The following VTI1A variants were observed in gnomAD, a reference collection of about 807,000 sequenced individuals.
VTI1A encodes the protein vesicle transport through interaction with t-SNAREs 1A.
Under a neutral mutation model 34.9 loss-of-function variants are expected in VTI1A, and 22 were observed. That is an observed-to-expected ratio of 0.63 (90% confidence interval 0.45 to 0.90). The LOEUF (loss-of-function observed/expected upper bound fraction) is 0.90. VTI1A is among the 40% of genes least tolerant of loss of function. The probability of loss-of-function intolerance (pLI) is 0.00; values close to 1 mark genes in which losing one functional copy is unlikely to be tolerated. For missense variants in VTI1A, 268 were observed against 275.6 expected (o/e 0.97, Z 0.20); for synonymous variants, 87 against 97.3 (o/e 0.89, Z 0.62).
chr10:112,569,409 C>G (rs1412567032), intron 5 of VTI1A, among the ~76,000 whole-genome samples: 1 of 152,112 alleles, frequency 6.6e-6, no homozygotes, highest in Non-Finnish European at 1.5e-5. Context: ...AAGTCAAATC[C>G]TTTACTTTTT....
intron 7 of VTI1A, among the ~76,000 whole-genome samples, chr10:112,752,990 C>T (rs7069423): frequency 3.9e-5 from 6 of 152,002 alleles, no homozygotes; most frequent in South Asian, 4.2e-4. Context: ...GCCTGAAAAA[C>T]GGTTTTTTTT....
intron 5 of VTI1A, among the ~76,000 whole-genome samples, chr10:112,637,305 A>G (rs763236558): frequency 7.2e-5 from 11 of 152,214 alleles, no homozygotes; most frequent in Non-Finnish European, 1.3e-4. Flanking sequence ...TACTTTATAT[A>G]TGGTGTCAGC....
intron 5 of VTI1A, among the ~76,000 whole-genome samples, chr10:112,573,431 T>C (rs1206063692): frequency 3.3e-5 from 5 of 152,206 alleles, no homozygotes; most frequent in Non-Finnish European, 7.3e-5. Context: ...CCTAATGGTA[T>C]TCATGAAATA....
At chr10:112,717,565 G>A (rs1849654648) in intron 7 of VTI1A, among the ~76,000 whole-genome samples, 1 of 152,104 alleles carries the variant, frequency 6.6e-6, no homozygotes, top group African/African-American at 2.4e-5. Flanking sequence ...CCTTCCATGT[G>A]GTCTCCCTGC....
intron 5 of VTI1A, among the ~76,000 whole-genome samples, chr10:112,574,389 G>T (rs564621839): frequency 6.6e-6 from 1 of 152,314 alleles, no homozygotes; most frequent in African/African-American, 2.4e-5. Context: ...ATTTGAACCA[G>T]CACCAGTCTA....
chr10:112,447,028 A>C, upstream of VTI1A: 1 of 282,688 alleles, frequency 3.5e-6, no homozygotes, highest in Non-Finnish European at 7.0e-6. Context: ...TCCGGAGCCG[A>C]TTCCCAGAAC....
At chr10:112,643,926 A>G (rs994320867) in intron 5 of VTI1A, among the ~76,000 whole-genome samples, 1 of 152,182 alleles carries the variant, frequency 6.6e-6, no homozygotes, top group Non-Finnish European at 1.5e-5. Flanking sequence ...TTGAATCTCA[A>G]GTGAATGGCC....
chr10:112,726,338 C>T (rs527798625), intron 7 of VTI1A, among the ~76,000 whole-genome samples: 7 of 152,274 alleles, frequency 4.6e-5, no homozygotes, highest in Admixed American at 2.6e-4. Context: ...ATAATGGTAC[C>T]CTTTCTTACA....
intron 7 of VTI1A, among the ~76,000 whole-genome samples, chr10:112,813,692 A>G (rs1853402794): frequency 6.6e-6 from 1 of 152,232 alleles, no homozygotes; most frequent in Admixed American, 6.5e-5. Context: ...TGGGGGACAG[A>G]GAATCTTCCT....
chr10:112,700,611 A>G (rs1019599283), intron 7 of VTI1A, among the ~76,000 whole-genome samples: 3 of 152,186 alleles, frequency 2.0e-5, no homozygotes, highest in Admixed American at 2.0e-4. Context: ...TAAAACCCAT[A>G]CCTTTAGCCA....
intron 7 of VTI1A, among the ~76,000 whole-genome samples, chr10:112,695,788 C>T (rs1848762207): frequency 6.6e-6 from 1 of 152,166 alleles, no homozygotes. Flanking sequence ...AGAAAACTTA[C>T]ACCTTCAGGA....
intron 7 of VTI1A, chr10:112,737,639 C>CA (rs1850538023): frequency 9.5e-7 from 1 of 1,049,954 alleles, no homozygotes; most frequent in Non-Finnish European, 1.1e-6. Flanking sequence ...GTGTGAAACA[C>CA]AGGGGTACCT....
chr10:112,473,551 C>T (rs1392327253), intron 3 of VTI1A, among the ~76,000 whole-genome samples: 1 of 152,082 alleles, frequency 6.6e-6, no homozygotes, highest in Non-Finnish European at 1.5e-5. Context: ...CCATTTACCT[C>T]CTCTATCATT....
chr10:112,541,338 T>C (rs551692399), intron 5 of VTI1A, among the ~76,000 whole-genome samples: 21 of 152,304 alleles, frequency 1.4e-4, no homozygotes, highest in African/African-American at 4.6e-4. Flanking sequence ...TGTTCTTATA[T>C]TTGCAAAATG....
chr10:112,807,903 A>C (rs1853144283), intron 7 of VTI1A, among the ~76,000 whole-genome samples: 2 of 152,066 alleles, frequency 1.3e-5, no homozygotes, highest in African/African-American at 4.8e-5. Context: ...AATCACATCC[A>C]CAAAGACCTT....
At chr10:112,736,109 GTGTATA>G (rs890635476) in intron 7 of VTI1A, among the ~76,000 whole-genome samples, 8 of 116,864 alleles carry the variant, frequency 6.8e-5, no homozygotes, top group Middle Eastern at 4.1e-3. Context: ...ATATGTGTGT[GTGTATA>G]TATATATATA....
chr10:112,660,397 C>T (rs530870844), intron 5 of VTI1A, among the ~76,000 whole-genome samples: 1 of 152,216 alleles, frequency 6.6e-6, no homozygotes, highest in African/African-American at 2.4e-5. Context: ...CATGCCCGGC[C>T]CAAGTTCTAA....
the VTI1A span, among the ~76,000 whole-genome samples, chr10:112,855,156 G>A: frequency 6.6e-6 from 1 of 152,168 alleles, no homozygotes; most frequent in Non-Finnish European, 1.5e-5. Context: ...GACCCAGGAT[G>A]GGAAGCCTAC....
At chr10:112,697,399 C>CTTTTCTTTTCT (rs745391297) in intron 7 of VTI1A, among the ~76,000 whole-genome samples, 22 of 114,036 alleles carry the variant, frequency 1.9e-4, no homozygotes, top group East Asian at 1.1e-3. Flanking sequence ...CTTTTCTTTT[C>CTTTTCTTTTCT]TTTTTTTTTT....
Sources: allele counts gnomAD v4.1 joint callset (sites outside exome capture counted in the v4.1 genomes callset), GRCh38; gene constraint gnomAD v4.1.1; transcripts MANE v1.5; gene names NCBI Gene and HGNC (gene_info 2026-07-23, HGNC 2026-07-21).